Variants in UNC13C observed in about 807,000 individuals in gnomAD.
UNC13C encodes the protein unc-13 homolog C.
In UNC13C, 174 loss-of-function variants were observed where a neutral mutation model predicts 245.4. The ratio of observed to expected loss-of-function variants is 0.71; its 90% CI spans 0.63 to 0.80. The LOEUF (loss-of-function observed/expected upper bound fraction) is 0.80, where lower values mean the gene tolerates loss of function less well. Among genes scored for constraint, UNC13C ranks in the 30% least tolerant of loss-of-function variants. The pLI, the probability that UNC13C is intolerant of heterozygous loss-of-function variation, is 0.00. For synonymous variants in UNC13C, 992 were observed against 895.1 expected (o/e 1.11, Z -1.93); for missense variants, 2,829 against 2,602.9 (o/e 1.09, Z -1.89).
At chr15:54,145,415 G>A (rs1198796183) in intron 4 of UNC13C, among the ~76,000 whole-genome samples, 1 of 152,030 alleles carries the variant, frequency 6.6e-6, no homozygotes, top group African/African-American at 2.4e-5. Flanking sequence ...TGATTAAGAT[G>A]TTATTTCTGT....
chr15:54,073,701 C>T (rs7169966), intron 2 of UNC13C, among the ~76,000 whole-genome samples: 71,276 of 152,022 alleles, frequency 0.47, 18,679 homozygotes, highest in Non-Finnish European at 0.6. Context: ...TATCTGTCCA[C>T]ATCCTTTGCC....
chr15:54,031,659 T>G (rs1896363989), intron 2 of UNC13C, among the ~76,000 whole-genome samples: 2 of 152,212 alleles, frequency 1.3e-5, no homozygotes, highest in Non-Finnish European at 2.9e-5. Flanking sequence ...AGTGTATGTG[T>G]TTGCCTGTGT....
intron 4 of UNC13C, among the ~76,000 whole-genome samples, chr15:54,157,366 G>T (rs1227738660): frequency 6.6e-6 from 1 of 152,100 alleles, no homozygotes; most frequent in Non-Finnish European, 1.5e-5. Flanking sequence ...GAAAACTGTG[G>T]ATTATACTCA....
chr15:54,167,602 G>GAAAAAAAAAAAAAAAAAAAAAA (rs35210236), intron 4 of UNC13C, among the ~76,000 whole-genome samples: 2 of 63,570 alleles, frequency 3.1e-5, no homozygotes, highest in Non-Finnish European at 5.8e-5. Context: ...ATCCAAATAG[G>GAAAAAAAAAAAAAAAAAAAAAA]AAAAAAAAAA....
At chr15:54,414,065 C>T (rs1399102375) in intron 18 of UNC13C, among the ~76,000 whole-genome samples, 1 of 152,104 alleles carries the variant, frequency 6.6e-6, no homozygotes, top group African/African-American at 2.4e-5. Flanking sequence ...TAGAAGCAGT[C>T]AGAATCTTGT....
Position 54,195,367 on chromosome 15 carries a change from C to A in UNC13C, c.3072-39663C>A, listed in dbSNP as rs551922532. Among the ~76,000 whole-genome samples the A allele has an allele frequency of 1.9e-3, 295 of 152,282 alleles. 2 individuals carry two copies. The highest frequency in any genetic ancestry group is 0.017 in the Middle Eastern group (5 of 294). The stretch of plus-strand genomic sequence containing the variant: ...ACTGCCATTCCAAGACATTTTTGCA[C>A]TGTAGCTTTGCTATGGAACAAAGGC... On this transcript the variant is annotated intron_variant, in intron 4 of 32. Coordinates refer to ENST00000260323, the MANE Select transcript of UNC13C (RefSeq NM_001080534.3).
Position 54,555,529 on chromosome 15 carries a change from C to A in UNC13C, c.5958+17C>A. On this transcript the variant is annotated intron_variant, in intron 29 of 32. Coordinates refer to ENST00000260323, the MANE Select transcript of UNC13C (RefSeq NM_001080534.3). ...ACCATCAAGGTGAGATTATAATGCT[C>A]CTATATATACATCGAGAGAGGCCCC... 3 of 1,592,058 alleles carry A rather than the reference C, an allele frequency of 1.9e-6. No homozygotes were observed. Among genetic ancestry groups the A allele is most frequent in the Non-Finnish European group, 2.6e-6 (3 of 1,164,576 alleles).
downstream of UNC13C, chr15:54,632,385 G>A (rs1473124873): frequency 1.3e-5 from 2 of 151,966 alleles, no homozygotes; most frequent in East Asian, 3.9e-4. Context: ...TCATAGCTTT[G>A]CTACCATAAG....
intron 17 of UNC13C, among the ~76,000 whole-genome samples, chr15:54,376,446 G>A (rs1248955641): frequency 1.3e-5 from 2 of 152,034 alleles, no homozygotes; most frequent in East Asian, 3.9e-4. Flanking sequence ...AAGAACAATG[G>A]AATTATGTTA....
At chr15:53,997,300 T>C (rs578000113) in intron 1 of UNC13C, among the ~76,000 whole-genome samples, 2 of 152,206 alleles carry the variant, frequency 1.3e-5, no homozygotes, top group Non-Finnish European at 2.9e-5. Context: ...TGTGTGTGCA[T>C]GCATGTGAGT....
intron 2 of UNC13C, among the ~76,000 whole-genome samples, chr15:54,022,678 A>G (rs1228039155): frequency 6.6e-6 from 1 of 152,198 alleles, no homozygotes; most frequent in Non-Finnish European, 1.5e-5. Flanking sequence ...TTTGCAAATA[A>G]TATTTTCTTC....
chr15:54,262,892 A>G (rs1413992896), intron 8 of UNC13C, among the ~76,000 whole-genome samples: 1 of 152,182 alleles, frequency 6.6e-6, no homozygotes, highest in African/African-American at 2.4e-5. Flanking sequence ...GTCAAATTGT[A>G]TATGAATTTA....
At chr15:54,599,875 C>T (rs920780499) in intron 30 of UNC13C, among the ~76,000 whole-genome samples, 5 of 152,224 alleles carry the variant, frequency 3.3e-5, no homozygotes, top group East Asian at 3.9e-4. Flanking sequence ...TTCTTTCTCT[C>T]GCACCTCTTC....
intron 18 of UNC13C, among the ~76,000 whole-genome samples, chr15:54,403,243 T>C (rs769204113): frequency 5.3e-5 from 8 of 152,094 alleles, no homozygotes; most frequent in South Asian, 2.1e-4. Context: ...TCTTATGCAA[T>C]GCTGATTTCA....
chr15:53,880,469 G>A, the UNC13C span, among the ~76,000 whole-genome samples: 1 of 152,332 alleles, frequency 6.6e-6, no homozygotes, highest in Non-Finnish European at 1.5e-5. Flanking sequence ...TTTTCAAAGA[G>A]CACTGTGTGC....
chr15:53,841,788 A>G, the UNC13C span, among the ~76,000 whole-genome samples: 6 of 152,178 alleles, frequency 3.9e-5, no homozygotes, highest in African/African-American at 1.4e-4. Flanking sequence ...GAGAAAGTAA[A>G]TAAGATTGTC....
chr15:54,202,522 G>C (rs911068499), intron 4 of UNC13C, among the ~76,000 whole-genome samples: 5 of 151,680 alleles, frequency 3.3e-5, no homozygotes, highest in African/African-American at 1.2e-4. Flanking sequence ...CAAATACTTA[G>C]AGCCAACTGA....
At position 54,573,722 on chromosome 15, in the gene UNC13C, T is replaced by C. The variant is rs193196973; in HGVS notation, c.6106+5775T>C. ...ATGGCAATATCTGCAGAGCTTTGGT[T>C]GTCACATCCTGGAGTGGTGGTCATG... On this transcript the variant is annotated intron_variant, in intron 30 of 32. Coordinates refer to ENST00000260323, the MANE Select transcript of UNC13C (RefSeq NM_001080534.3). Among the ~76,000 whole-genome samples the C allele has an allele frequency of 3.3e-5, 5 of 152,322 alleles. No individual in the cohort carries two copies. The East Asian group carries it at 9.6e-4, about 29-fold the overall frequency.
intron 10 of UNC13C, among the ~76,000 whole-genome samples, chr15:54,279,061 A>G (rs1430800535): frequency 1.3e-5 from 2 of 152,182 alleles, no homozygotes; most frequent in African/African-American, 4.8e-5. Flanking sequence ...TTTAGTTCTT[A>G]TGGCACTTAA....
Sources: allele counts gnomAD v4.1 joint callset (sites outside exome capture counted in the v4.1 genomes callset), GRCh38; gene constraint gnomAD v4.1.1; transcripts MANE v1.5; gene names NCBI Gene and HGNC (gene_info 2026-07-23, HGNC 2026-07-21).